ACACA: variants seen among roughly 807,000 people sequenced by gnomAD.
ACACA encodes acetyl-CoA carboxylase 1.
A neutral mutation model predicts 296.1 loss-of-function variants in ACACA; 103 were observed. The observed-to-expected ratio is 0.35, with a 90% CI of 0.30 to 0.41. The LOEUF is 0.41. Ranked by LOEUF, ACACA falls within the 10% of genes least tolerant of loss-of-function variation. The pLI is 1.00. For missense variants in ACACA, 1,554 were observed against 2,989.7 expected, an observed-to-expected ratio of 0.52 and a Z score of 11.20; for synonymous variants, 953 against 1,038.6, an observed-to-expected ratio of 0.92 and a Z score of 1.58.
intron 19 of ACACA, among the ~76,000 whole-genome samples, chr17:37,246,507 A>T (rs2080709790): frequency 6.6e-6 from 1 of 151,798 alleles, no homozygotes; most frequent in Admixed American, 6.6e-5. Context: ...ATCTCCATTC[A>T]CTGCTGCCTT....
chr17:37,106,520 T>A (rs921888626), intron 52 of ACACA, among the ~76,000 whole-genome samples: 5 of 152,146 alleles, frequency 3.3e-5, no homozygotes, highest in South Asian at 4.1e-4. Flanking sequence ...TTCATATTTT[T>A]AAAAATCATT....
chr17:37,109,588 T>C (rs1178567296), intron 52 of ACACA, among the ~76,000 whole-genome samples: 1 of 152,222 alleles, frequency 6.6e-6, no homozygotes, highest in Non-Finnish European at 1.5e-5. Context: ...TAAATAAATA[T>C]GGTTTTCTCC....
intron 41 of ACACA, among the ~76,000 whole-genome samples, chr17:37,163,690 C>T (rs889520281): frequency 3.3e-5 from 5 of 152,192 alleles, no homozygotes; most frequent in African/African-American, 9.6e-5. Flanking sequence ...CTCAACATTG[C>T]ATCCTTGTGA....
intron 31 of ACACA, 127 bp from the exon 32 acceptor site, chr17:37,207,006 C>T (rs2078532131): frequency 1.1e-6 from 1 of 881,808 alleles, no homozygotes; most frequent in Non-Finnish European, 1.8e-6. Context: ...TGAATAGAAT[C>T]ACCAGTGGCT....
At position 37,348,215 on chromosome 17, in the gene ACACA, G is replaced by A. The variant is rs546174632; in HGVS notation, c.39-8365C>T. Among the ~76,000 whole-genome samples, 33 of 151,596 alleles carry A rather than the reference G, an allele frequency of 2.2e-4. No individual in the cohort carries two copies. The South Asian group carries it at 2.5e-3, about 12-fold the overall frequency. On this transcript the variant is annotated intron_variant, in intron 1 of 55. Transcript: ENST00000616317. ...AGAGAAAAAGAAGATGAGAGAACCT[G>A]TTCAGAAGGTCCATATCTAAGTAAC...
intron 1 of ACACA, among the ~76,000 whole-genome samples, chr17:37,363,647 A>G (rs2049499164): frequency 6.6e-6 from 1 of 151,984 alleles, no homozygotes; most frequent in Admixed American, 6.6e-5. Context: ...CTCTCAAGTC[A>G]GGTTTGAGTT....
At chr17:37,153,271 A>G (rs2076112969) in intron 43 of ACACA, among the ~76,000 whole-genome samples, 1 of 152,210 alleles carries the variant, frequency 6.6e-6, no homozygotes, top group African/African-American at 2.4e-5. Context: ...ATATTTAGAA[A>G]TAAGCATGAA....
chr17:37,142,222 C>T (rs1292484520), intron 45 of ACACA, among the ~76,000 whole-genome samples: 3 of 152,124 alleles, frequency 2.0e-5, no homozygotes, highest in African/African-American at 7.2e-5. Context: ...CATGGGCTCT[C>T]TTAGAGTCAG....
intron 42 of ACACA, among the ~76,000 whole-genome samples, chr17:37,156,253 CAG>C (rs2076246461): frequency 6.6e-6 from 1 of 151,844 alleles, no homozygotes; most frequent in African/African-American, 2.4e-5. Flanking sequence ...TTAGTAGCGA[CAG>C]GGTTTCACCG....
At chr17:37,162,226 T>C (rs2076489445) in intron 41 of ACACA, among the ~76,000 whole-genome samples, 176 bp from the exon 42 acceptor site, 1 of 152,186 alleles carries the variant, frequency 6.6e-6, no homozygotes, top group Non-Finnish European at 1.5e-5. Flanking sequence ...ACTGCTAGAT[T>C]ATGCTGAGAA....
rs1448455418 is a variant in ACACA at position 37,275,959 on chromosome 17, C to T, written c.893G>A (p.Ser298Asn). The T allele has an allele frequency of 1.2e-6, 2 of 1,613,940 alleles. No individual in the cohort carries two copies. Among genetic ancestry groups the T allele is most frequent in the South Asian group, 2.2e-5 (2 of 91,086 alleles). Reference sequence around the variant, plus strand: ...AAGAATTCAGTTCTTACCACTGCCGCTCCAGGGAAGAGTTGGGATACCTGC... The same window carrying T: ...AAGAATTCAGTTCTTACCACTGCCGTTCCAGGGAAGAGTTGGGATACCTGC... ...QTAGIPTLPW[S>N]GSGLRVDWQE... The change falls in exon 8 of 56, where the codon AGC becomes AAC. Residue 298 changes from serine to asparagine, a missense_variant. Ser to Asn is a conservative substitution (Grantham distance 46). Coordinates refer to ENST00000616317, the MANE Select transcript of ACACA (RefSeq NM_198834.3).
chr17:37,404,570 ATTTT>A (rs5820212), intron 1 of ACACA, among the ~76,000 whole-genome samples: 6 of 104,714 alleles, frequency 5.7e-5, no homozygotes, highest in Admixed American at 2.1e-4. Flanking sequence ...TGCCACAGTG[ATTTT>A]TTTTTTTTTT....
chr17:37,162,129 G>T, intron 41 of ACACA, 79 bp from the exon 42 acceptor site: 1 of 1,457,822 alleles, frequency 6.9e-7, no homozygotes, highest in Non-Finnish European at 9.6e-7. Flanking sequence ...AGGTATCAGA[G>T]TATACCTAGG....
At chr17:37,095,818 G>A (rs1421090247) in intron 54 of ACACA, among the ~76,000 whole-genome samples, 3 of 152,152 alleles carry the variant, frequency 2.0e-5, no homozygotes, top group Non-Finnish European at 2.9e-5. Flanking sequence ...AGAAATAAAA[G>A]TTCCAGCTTT....
chr17:37,110,909 C>CA (rs1174066946), intron 52 of ACACA, among the ~76,000 whole-genome samples: 1 of 152,280 alleles, frequency 6.6e-6, no homozygotes, highest in South Asian at 2.1e-4. Flanking sequence ...ACTCTGGACT[C>CA]AACACAGGAC....
At position 37,182,367 on chromosome 17, in the gene ACACA, A is replaced by G. The variant is rs142759804; in HGVS notation, c.4777-1011T>C. Among the ~76,000 whole-genome samples, 922 of 151,876 alleles carry G rather than the reference A, an allele frequency of 6.1e-3. 6 individuals carry two copies. The highest frequency in any genetic ancestry group is 0.021 in the African/African-American group (869 of 41,442). ...TATTAAAAAACATATATATATATAT[A>G]CATGTATTTACTTCTCCTCAAGATG... On this transcript the variant is annotated intron_variant, in intron 39 of 55. Coordinates refer to ENST00000616317, the MANE Select transcript of ACACA (RefSeq NM_198834.3).
chr17:37,247,953 C>T, intron 18 of ACACA, 58 bp downstream of exon 18: 2 of 1,607,208 alleles, frequency 1.2e-6, no homozygotes, highest in South Asian at 2.2e-5. Context: ...GAGCTAGTAG[C>T]TAATAAGAGA....
chr17:37,306,117 C>T (rs945617853), intron 3 of ACACA, among the ~76,000 whole-genome samples: 1 of 151,938 alleles, frequency 6.6e-6, no homozygotes, highest in Non-Finnish European at 1.5e-5. Context: ...ACCGTGTTAG[C>T]CAGGATGGTC....
chr17:37,236,183 A>G (rs757661099), intron 24 of ACACA, among the ~76,000 whole-genome samples: 1 of 152,206 alleles, frequency 6.6e-6, no homozygotes, highest in Non-Finnish European at 1.5e-5. Context: ...CAGGCTTTTA[A>G]TTATTCTAAA....
Sources: allele counts gnomAD v4.1 joint callset (sites outside exome capture counted in the v4.1 genomes callset), GRCh38; gene constraint gnomAD v4.1.1; transcripts MANE v1.5; gene names NCBI Gene and HGNC (gene_info 2026-07-23, HGNC 2026-07-21).